AGBL1: variants seen among roughly 807,000 people sequenced by gnomAD.
The protein encoded by AGBL1 is AGBL carboxypeptidase 1.
Under a neutral mutation model 118.9 loss-of-function variants are expected in AGBL1, and 130 were observed. The ratio of observed to expected loss-of-function variants is 1.09; its 90% CI spans 0.95 to 1.26. AGBL1 has a LOEUF of 1.26. Ranked by LOEUF, AGBL1 falls within the 50% of genes most tolerant of loss-of-function variation. The pLI is 0.00. For missense variants in AGBL1, 1,584 were observed against 1,298.1 expected, an observed-to-expected ratio of 1.22 and a Z score of -3.38; for synonymous variants, 555 against 478.9, an observed-to-expected ratio of 1.16 and a Z score of -2.08.
chr15:86,546,112 CCTAGAGGAGGT>C lies in AGBL1; in HGVS notation c.2798_2808del (p.Leu933GlnfsTer10). 2 of 1,613,078 alleles carry C rather than the reference CCTAGAGGAGGT, an allele frequency of 1.2e-6. No homozygotes were observed. Among genetic ancestry groups the C allele is most frequent in the South Asian group, 2.2e-5 (2 of 91,020 alleles). On this transcript the variant is annotated frameshift_variant, in exon 20 of 23. Coordinates refer to ENST00000614907, the MANE Select transcript of AGBL1 (RefSeq NM_001386094.1). LOFTEE classifies it high-confidence loss of function. ...CATGCACTGTGGGCACATCTACTAT[CCTAGAGGAGGT>C]CAACTACAGGGTAAGCCGCTGTGGG...
At chr15:86,185,935 A>C (rs2077625713) in intron 5 of AGBL1, among the ~76,000 whole-genome samples, 2 of 152,178 alleles carry the variant, frequency 1.3e-5, no homozygotes, top group South Asian at 4.1e-4. Flanking sequence ...TTTCTTAAAA[A>C]GGGGATTCTA....
At chr15:86,959,522 T>C (rs2141683226) in intron 23 of AGBL1, among the ~76,000 whole-genome samples, 1 of 151,972 alleles carries the variant, frequency 6.6e-6, no homozygotes, top group South Asian at 2.1e-4. Context: ...TGTTTGCTTA[T>C]GAGATCATCA....
At chr15:86,759,094 T>C (rs2077986286) in intron 22 of AGBL1, among the ~76,000 whole-genome samples, 1 of 152,074 alleles carries the variant, frequency 6.6e-6, no homozygotes, top group African/African-American at 2.4e-5. Context: ...ATCTTCTTAA[T>C]ATGGATCTCT....
chr15:86,399,688 C>T lies in AGBL1; in HGVS notation c.2555+2142C>T, dbSNP rs555205972. On this transcript the variant is annotated intron_variant, in intron 18 of 22. Transcript: ENST00000614907. ...ACCAAACCAGGGGATTTATCCAGAT[C>T]TTTGGTTTAAAGGTTAATGTGATCT... 3.9e-5 allele frequency among the ~76,000 whole-genome samples: 6 copies of T among 152,274 alleles called. 1 individual carries two copies. The South Asian group carries it at 1.2e-3, about 32-fold the overall frequency.
intron 5 of AGBL1, among the ~76,000 whole-genome samples, chr15:86,206,266 T>C (rs1322600132): frequency 6.6e-6 from 1 of 152,204 alleles, no homozygotes; most frequent in Non-Finnish European, 1.5e-5. Context: ...TAATGTTGCA[T>C]TAAACATACA....
At chr15:86,952,243 A>AT (rs1298404224) in intron 23 of AGBL1, among the ~76,000 whole-genome samples, 1 of 151,620 alleles carries the variant, frequency 6.6e-6, no homozygotes, top group Admixed American at 6.6e-5. Context: ...AAAAAAAAAA[A>AT]TTTTTTTGTC....
rs190963239 is a variant in AGBL1, at chr15:86,756,587, A to T, written c.3158+82151A>T. Among the ~76,000 whole-genome samples the T allele has an allele frequency of 2.9e-3, 436 of 152,216 alleles. 8 individuals carry two copies. The highest frequency in any genetic ancestry group is 1.4e-3 in the East Asian group (7 of 5,156). On this transcript the variant is annotated intron_variant, in intron 22 of 22. Transcript: ENST00000614907. The stretch of plus-strand genomic sequence containing the variant: ...GGAACTGGGGAAGATTTCCCATAGT[A>T]GCTGATTCCTAAATGAAGATGAGGA...
intron 22 of AGBL1, among the ~76,000 whole-genome samples, chr15:86,824,867 G>A (rs2141396294): frequency 6.6e-6 from 1 of 152,116 alleles, no homozygotes; most frequent in East Asian, 1.9e-4. Flanking sequence ...AGAGCAGCCT[G>A]GCCAACATGG....
chr15:86,092,298 A>G (rs190870223), intron 1 of AGBL1, among the ~76,000 whole-genome samples: 73 of 152,324 alleles, frequency 4.8e-4, no homozygotes, highest in Admixed American at 1.0e-3. Flanking sequence ...AAATACATGA[A>G]CAAATAGTTA....
intron 21 of AGBL1, among the ~76,000 whole-genome samples, chr15:86,661,928 G>A (rs1056718540): frequency 2.0e-5 from 3 of 151,982 alleles, no homozygotes; most frequent in Middle Eastern, 3.2e-3. Context: ...TTCTTTCTTC[G>A]TTCAACTTCC....
intron 5 of AGBL1, among the ~76,000 whole-genome samples, chr15:86,206,790 G>T (rs567317718): frequency 5.9e-5 from 9 of 152,238 alleles, no homozygotes; most frequent in African/African-American, 1.9e-4. Context: ...AGTTTCTTTT[G>T]CTGTGCAGAA....
At chr15:87,013,968 A>ATC (rs760828817) in intron 24 of AGBL1, among the ~76,000 whole-genome samples, 3 of 152,086 alleles carry the variant, frequency 2.0e-5, no homozygotes, top group African/African-American at 4.8e-5. Flanking sequence ...TGAGTGTCAG[A>ATC]TCTCTAAAAA....
intron 17 of AGBL1, among the ~76,000 whole-genome samples, chr15:86,330,004 C>G (rs1349030253): frequency 6.6e-6 from 1 of 152,238 alleles, no homozygotes; most frequent in African/African-American, 2.4e-5. Context: ...CAGATTCAGA[C>G]TTAGGCACAC....
intron 24 of AGBL1, among the ~76,000 whole-genome samples, chr15:87,026,244 C>A (rs2081725445): frequency 6.6e-6 from 1 of 151,966 alleles, no homozygotes; most frequent in Non-Finnish European, 1.5e-5. Flanking sequence ...AAAATTCTCA[C>A]AATCTATACA....
intron 22 of AGBL1, among the ~76,000 whole-genome samples, chr15:86,861,017 G>T (rs1291249677): frequency 6.6e-6 from 1 of 152,096 alleles, no homozygotes; most frequent in African/African-American, 2.4e-5. Context: ...GCAGTTCCAA[G>T]TGATGGGCCT....
chr15:86,109,827 A>T (rs1461806992), intron 1 of AGBL1: 1 of 152,192 alleles, frequency 6.6e-6, no homozygotes, highest in Non-Finnish European at 1.5e-5. Flanking sequence ...CCTTCCTGTT[A>T]TGATGCTGGG....
At chr15:86,126,788 G>C (rs1253796206) in intron 1 of AGBL1, among the ~76,000 whole-genome samples, 1 of 152,212 alleles carries the variant, frequency 6.6e-6, no homozygotes, top group Admixed American at 6.5e-5. Context: ...TTCCTGTTTA[G>C]TTGTTGCGCT....
chr15:86,716,588 G>A (rs959864010), intron 22 of AGBL1, among the ~76,000 whole-genome samples: 3 of 152,084 alleles, frequency 2.0e-5, no homozygotes, highest in African/African-American at 4.8e-5. Flanking sequence ...AGAAAAAGCA[G>A]TAAGAAAAAA....
chr15:86,287,880 A>C (rs2079479533), intron 16 of AGBL1, among the ~76,000 whole-genome samples: 1 of 152,200 alleles, frequency 6.6e-6, no homozygotes, highest in African/African-American at 2.4e-5. Context: ...TAAATTTATG[A>C]AGCACTGGTG....
Sources: gnomAD v4.1 joint callset for allele counts (sites outside exome capture counted in the v4.1 genomes callset) on GRCh38, gnomAD v4.1.1 for gene constraint, MANE v1.5 for transcripts, NCBI Gene and HGNC (gene_info 2026-07-23, HGNC 2026-07-21) for gene names.